The following TLL2 variants were observed in gnomAD, a reference collection of about 807,000 sequenced individuals.
TLL2 encodes the protein tolloid like 2.
In TLL2, 106 loss-of-function variants were observed where a neutral mutation model predicts 123.0. That is an observed-to-expected ratio of 0.86 (90% CI 0.74 to 1.01). The LOEUF is 1.01. Ranked by LOEUF, TLL2 falls within the 50% of genes least tolerant of loss-of-function variation. The pLI, the probability that TLL2 is intolerant of heterozygous loss-of-function variation, is 0.00. For missense variants in TLL2, 1,332 were observed against 1,336.7 expected (o/e 1.00, Z 0.06); for synonymous variants, 494 against 516.8 (o/e 0.96, Z 0.60).
At chr10:96,430,980 C>A (rs1385590476) in intron 4 of TLL2, among the ~76,000 whole-genome samples, 1 of 152,200 alleles carries the variant, frequency 6.6e-6, no homozygotes, top group South Asian at 2.1e-4. Flanking sequence ...ATTTTTTGTT[C>A]AAATTGTTTA....
intron 1 of TLL2, 26 bp downstream of exon 1, chr10:96,513,485 G>A (rs1393745459): frequency 1.2e-6 from 2 of 1,611,380 alleles, no homozygotes; most frequent in South Asian, 1.1e-5. Context: ...AAACTTCTGC[G>A]GGACTTCCCC....
chr10:96,406,884 T>C (rs1454507246), intron 9 of TLL2, among the ~76,000 whole-genome samples: 1 of 152,140 alleles, frequency 6.6e-6, no homozygotes, highest in Non-Finnish European at 1.5e-5. Context: ...CCCATATCTG[T>C]TCAGCATCCA....
rs902454775 is a variant in TLL2, at chr10:96,464,561, G to A, written c.286+15788C>T. ...TTACTCACTTAGCACGTGCCAGCCC[G>A]GGGCAGGAAGCAGAGTGCCCAGATG... On this transcript the variant is annotated intron_variant, in intron 2 of 20. Transcript: ENST00000357947. Among the ~76,000 whole-genome samples the A allele has an allele frequency of 3.3e-5, 5 of 151,978 alleles. No homozygotes were observed. In the South Asian group the frequency reaches 6.2e-4, roughly 19 times the overall value.
rs542032085 is a variant in TLL2 at position 96,374,975 on chromosome 10, G to T, written c.2449-1166C>A. Among the ~76,000 whole-genome samples the T allele has an allele frequency of 2.4e-4, 28 of 119,100 alleles. 1 individual carries two copies. In the South Asian group the frequency reaches 6.2e-3, roughly 26 times the overall value. 78.1% of individuals were successfully genotyped at this position (119,100 alleles called of 152,430 possible). On this transcript the variant is annotated intron_variant, in intron 18 of 20. Coordinates refer to ENST00000357947, the MANE Select transcript of TLL2 (RefSeq NM_012465.4). ...GACATTAGTTGCGGGGGGGGGGGGG[G>T]GGTGTCAATTCAAAAGAGCGGGGCT...
chr10:96,400,357 C>CAAA (rs55975748), intron 10 of TLL2, among the ~76,000 whole-genome samples: 57 of 109,834 alleles, frequency 5.2e-4, no homozygotes, highest in African/African-American at 9.8e-4. Flanking sequence ...CTACTACCAT[C>CAAA]AAAAAAAAAA....
At chr10:96,509,685 C>T (rs953604138) in intron 1 of TLL2, among the ~76,000 whole-genome samples, 5 of 152,238 alleles carry the variant, frequency 3.3e-5, no homozygotes, top group Non-Finnish European at 7.3e-5. Context: ...CGGTGGCTCA[C>T]GCCTGTAATC....
chr10:96,480,541 G>C (rs1847302734), intron 1 of TLL2, 82 bp from the exon 2 acceptor site: 1 of 1,095,550 alleles, frequency 9.1e-7, no homozygotes, highest in Non-Finnish European at 1.4e-6. Flanking sequence ...AGGGCATTGG[G>C]TGTTGGGTGG....
intron 1 of TLL2, among the ~76,000 whole-genome samples, chr10:96,500,158 A>C (rs1287109629): frequency 2.7e-5 from 4 of 150,656 alleles, no homozygotes; most frequent in South Asian, 4.2e-4. Context: ...AAAAAAAAAA[A>C]AATACAAAAA....
At chr10:96,458,559 C>CA (rs1190294478) in intron 2 of TLL2, among the ~76,000 whole-genome samples, 1 of 134,008 alleles carries the variant, frequency 7.5e-6, no homozygotes, top group Non-Finnish European at 1.5e-5. Context: ...TGCACTCCAG[C>CA]CTGGGGGACA....
At chr10:96,428,538 CTCA>C in intron 5 of TLL2, 90 bp downstream of exon 5, 1 of 822,558 alleles carries the variant, frequency 1.2e-6, no homozygotes, top group Non-Finnish European at 2.0e-6. Flanking sequence ...TAAATAACAG[CTCA>C]TTGGAAATAC....
chr10:96,370,237 G>A lies in TLL2; in HGVS notation c.2741C>T (p.Pro914Leu), dbSNP rs749501321. ...CACCCAGTCACAGCGGGCCTCGCTCGGGTAGTTGTTGTCCCCAAACTGGGC... is the reference window on the plus strand; with the variant it reads ...CACCCAGTCACAGCGGGCCTCGCTCAGGTAGTTGTTGTCCCCAAACTGGGC... Reference protein sequence around the residue: ...SHAQFGDNNYPSEARCDWVIV... With the variant: ...SHAQFGDNNYLSEARCDWVIV... The change falls in exon 20 of 21, where the codon CCG becomes CTG. Residue 914 changes from proline (P) to leucine (L), a missense_variant. Coordinates refer to ENST00000357947, the MANE Select transcript of TLL2 (RefSeq NM_012465.4). 65 of 1,613,366 alleles carry A rather than the reference G, an allele frequency of 4.0e-5. No homozygotes were observed. The highest frequency in any genetic ancestry group is 1.3e-4 in the East Asian group (6 of 44,880).
chr10:96,512,448 C>A (rs1000936419), intron 1 of TLL2, among the ~76,000 whole-genome samples: 1 of 152,264 alleles, frequency 6.6e-6, no homozygotes, highest in African/African-American at 2.4e-5. Context: ...GGCCCACAGG[C>A]CCCGCAGAGA....
rs1227191164 is a variant in TLL2 at position 96,506,259 on chromosome 10, AAAAAAAG to A, written c.175+7245_175+7251del. On this transcript the variant is annotated intron_variant, in intron 1 of 20. Transcript: ENST00000357947. ...AGAGCGAGACCCCATCTCAAAAAAA[AAAAAAAG>A]AAAAAAAAAAAAGAAAAAAGGAAAG... Among the ~76,000 whole-genome samples the A allele has an allele frequency of 4.6e-4, 64 of 137,864 alleles. 1 individual carries two copies. Among genetic ancestry groups the A allele is most frequent in the Middle Eastern group, 3.7e-3 (1 of 272 alleles). The allele number at this position is 137,864 out of a possible 152,430, so 90.4% of individuals were successfully genotyped here.
At chr10:96,444,269 T>C (rs1300729909) in intron 3 of TLL2, among the ~76,000 whole-genome samples, 1 of 152,220 alleles carries the variant, frequency 6.6e-6, no homozygotes, top group Non-Finnish European at 1.5e-5. Context: ...TGTACGGATA[T>C]ATGTTCAGTA....
At chr10:96,479,633 A>C (rs1847291721) in intron 2 of TLL2, among the ~76,000 whole-genome samples, 1 of 152,220 alleles carries the variant, frequency 6.6e-6, no homozygotes, top group Non-Finnish European at 1.5e-5. Context: ...CCCTGATTTC[A>C]AGATGAGCAA....
At chr10:96,461,191 T>C (rs1021999283) in intron 2 of TLL2, among the ~76,000 whole-genome samples, 7 of 152,358 alleles carry the variant, frequency 4.6e-5, no homozygotes, top group African/African-American at 1.4e-4. Flanking sequence ...GACTTTTCAT[T>C]GTGTGAGCAG....
intron 2 of TLL2, among the ~76,000 whole-genome samples, chr10:96,462,016 T>C (rs1160762870): frequency 1.3e-5 from 2 of 152,260 alleles, no homozygotes; most frequent in African/African-American, 4.8e-5. Flanking sequence ...TTACAAAATA[T>C]GTCCAGGTGA....
intron 3 of TLL2, among the ~76,000 whole-genome samples, chr10:96,434,503 GT>G (rs1223226332): frequency 6.6e-6 from 1 of 152,210 alleles, no homozygotes; most frequent in Non-Finnish European, 1.5e-5. Flanking sequence ...GATCACTCAT[GT>G]TGTAGTATGA....
intron 1 of TLL2, among the ~76,000 whole-genome samples, chr10:96,498,399 G>A (rs1006464326): frequency 6.6e-6 from 1 of 152,184 alleles, no homozygotes; most frequent in Non-Finnish European, 1.5e-5. Flanking sequence ...CATTCTAGAA[G>A]ATTTGACTCA....
Sources: allele counts gnomAD v4.1 joint callset (sites outside exome capture counted in the v4.1 genomes callset), GRCh38; gene constraint gnomAD v4.1.1; transcripts MANE v1.5; gene names NCBI Gene and HGNC (gene_info 2026-07-23, HGNC 2026-07-21).